Variants in SLC14A2 observed in about 807,000 individuals in gnomAD.
SLC14A2 encodes the protein urea transporter 2.
In SLC14A2, 91 loss-of-function variants were observed where a neutral mutation model predicts 104.6. That is an observed-to-expected ratio of 0.87 (90% CI 0.73 to 1.04). The LOEUF (loss-of-function observed/expected upper bound fraction) is 1.04. Ranked by LOEUF, SLC14A2 falls within the 50% of genes least tolerant of loss-of-function variation. The pLI is 0.00. For synonymous variants in SLC14A2, 476 were observed against 466.4 expected (o/e 1.02, Z -0.27); for missense variants, 1,189 against 1,156.0 (o/e 1.03, Z -0.41).
chr18:45,288,283 C>G (rs1354746540), intron 1 of SLC14A2, among the ~76,000 whole-genome samples: 1 of 152,188 alleles, frequency 6.6e-6, no homozygotes, highest in East Asian at 1.9e-4. Flanking sequence ...AGTGATTAAT[C>G]CTGTGCTTCA....
chr18:45,600,924 C>G (rs2044781520), intron 2 of SLC14A2, among the ~76,000 whole-genome samples: 1 of 152,166 alleles, frequency 6.6e-6, no homozygotes, highest in Non-Finnish European at 1.5e-5. Context: ...ATGAAGCCAA[C>G]CCTGAGTCAA....
chr18:45,241,012 G>C (rs917756172), intron 1 of SLC14A2, among the ~76,000 whole-genome samples: 1 of 152,174 alleles, frequency 6.6e-6, no homozygotes, highest in Non-Finnish European at 1.5e-5. Context: ...CCTGGCTCTA[G>C]AGACTTGCTC....
At chr18:45,414,757 A>AATATATATATAT (rs71177674) in intron 1 of SLC14A2, among the ~76,000 whole-genome samples, 25 of 76,038 alleles carry the variant, frequency 3.3e-4, no homozygotes, top group South Asian at 1.9e-3. Flanking sequence ...AAAAAAAAAA[A>AATATATATATAT]ATATATATAT....
chr18:45,235,795 G>A (rs11664120), intron 1 of SLC14A2, among the ~76,000 whole-genome samples: 2,549 of 116,740 alleles, frequency 0.022, 129 homozygotes, highest in Non-Finnish European at 0.024. Flanking sequence ...ATGTGTATGC[G>A]CGTGTGTGTG....
intron 1 of SLC14A2, among the ~76,000 whole-genome samples, chr18:45,437,883 A>C (rs751521658): frequency 4.6e-5 from 7 of 152,236 alleles, no homozygotes; most frequent in Non-Finnish European, 7.3e-5. Flanking sequence ...CATACTGAGC[A>C]AAATACATGC....
At chr18:45,590,750 CTTCA>C (rs2044635961) in intron 2 of SLC14A2, among the ~76,000 whole-genome samples, 1 of 152,222 alleles carries the variant, frequency 6.6e-6, no homozygotes, top group South Asian at 2.1e-4. Context: ...CCAGGGACAG[CTTCA>C]TGCCTAGAAA....
intron 1 of SLC14A2, among the ~76,000 whole-genome samples, chr18:45,314,780 TA>T (rs2087155833): frequency 6.6e-6 from 1 of 152,160 alleles, no homozygotes; most frequent in Non-Finnish European, 1.5e-5. Flanking sequence ...TGGGGAAAAT[TA>T]ATAGTACTAG....
intron 10 of SLC14A2, among the ~76,000 whole-genome samples, chr18:45,659,963 A>AC (rs1166513147): frequency 6.8e-6 from 1 of 147,200 alleles, no homozygotes; most frequent in African/African-American, 2.5e-5. Context: ...TGGCTCTACA[A>AC]AAAAAAAAAA....
At chr18:45,171,025 G>A in the SLC14A2 span, among the ~76,000 whole-genome samples, 130 of 152,164 alleles carry the variant, frequency 8.5e-4, no homozygotes, top group East Asian at 0.023. Context: ...AGTACACATG[G>A]AATGACTCAA....
intron 2 of SLC14A2, among the ~76,000 whole-genome samples, chr18:45,573,332 A>AGAT (rs2044375808): frequency 6.6e-6 from 1 of 152,200 alleles, no homozygotes; most frequent in Non-Finnish European, 1.5e-5. Flanking sequence ...GAAAGAAGAG[A>AGAT]GATAGAAACA....
intron 1 of SLC14A2, among the ~76,000 whole-genome samples, chr18:45,481,107 C>G (rs2087484564): frequency 6.6e-6 from 1 of 152,024 alleles, no homozygotes; most frequent in Admixed American, 6.6e-5. Flanking sequence ...GAACCAATCC[C>G]CAAAATTAGG....
intron 1 of SLC14A2, among the ~76,000 whole-genome samples, chr18:45,286,868 T>C (rs2084820165): frequency 6.6e-6 from 1 of 152,190 alleles, no homozygotes; most frequent in Non-Finnish European, 1.5e-5. Flanking sequence ...TGGCTCCCCA[T>C]ATGTGAACCT....
chr18:45,477,736 G>A (rs901645781), intron 1 of SLC14A2, among the ~76,000 whole-genome samples: 4 of 152,144 alleles, frequency 2.6e-5, no homozygotes, highest in African/African-American at 7.2e-5. Flanking sequence ...GTAGAGCTGC[G>A]GTGGGCTCCA....
the SLC14A2 span, among the ~76,000 whole-genome samples, chr18:45,179,642 A>G: frequency 6.6e-6 from 1 of 152,194 alleles, no homozygotes; most frequent in African/African-American, 2.4e-5. Context: ...GTTATAGCAT[A>G]ATTTCTATTT....
At chr18:45,354,848 T>TA (rs2085536476) in intron 1 of SLC14A2, among the ~76,000 whole-genome samples, 1 of 152,248 alleles carries the variant, frequency 6.6e-6, no homozygotes, top group African/African-American at 2.4e-5. Context: ...TTACCCCTAT[T>TA]AAAATCCCAA....
At position 45,516,847 on chromosome 18, in the gene SLC14A2, G is replaced by A. The variant is rs139302620; in HGVS notation, c.-35+33525G>A. ...AGTGGGGGTTAAGTTAGTGTTGGGG[G>A]CACCAGGAGACACACTGCTCTGTGA... On this transcript the variant is annotated intron_variant, in intron 2 of 20. Coordinates refer to the SLC14A2 transcript ENST00000586448. Among the ~76,000 whole-genome samples the A allele has an allele frequency of 8.3e-4, 127 of 152,218 alleles. 1 individual carries two copies. The highest frequency in any genetic ancestry group is 1.1e-3 in the Non-Finnish European group (78 of 68,036).
At chr18:45,574,206 G>A (rs2044388076) in intron 2 of SLC14A2, among the ~76,000 whole-genome samples, 1 of 152,168 alleles carries the variant, frequency 6.6e-6, no homozygotes, top group African/African-American at 2.4e-5. Flanking sequence ...GCACCTATAT[G>A]CATGTGTGCT....
intron 1 of SLC14A2, among the ~76,000 whole-genome samples, chr18:45,285,373 T>C (rs945455552): frequency 6.6e-6 from 1 of 152,224 alleles, no homozygotes; most frequent in Non-Finnish European, 1.5e-5. Flanking sequence ...GAGAACAGTT[T>C]GCACGCCAGG....
At chr18:45,208,472 C>T (rs917970974), upstream of SLC14A2, among the ~76,000 whole-genome samples, 3 of 152,128 alleles carry the variant, frequency 2.0e-5, no homozygotes, top group African/African-American at 4.8e-5. Flanking sequence ...TCTCTGGGTC[C>T]ACCTCTGCTT....
Sources: gnomAD v4.1 joint callset for allele counts (sites outside exome capture counted in the v4.1 genomes callset) on GRCh38, gnomAD v4.1.1 for gene constraint, MANE v1.5 for transcripts, NCBI Gene and HGNC (gene_info 2026-07-23, HGNC 2026-07-21) for gene names.